RALYL: variants seen among roughly 807,000 people sequenced by gnomAD.
The protein encoded by RALYL is RALY RNA binding protein like.
Under a neutral mutation model 35.1 loss-of-function variants are expected in RALYL, and 29 were observed. The observed-to-expected ratio is 0.83, with a 90% CI of 0.61 to 1.13. The LOEUF (loss-of-function observed/expected upper bound fraction) is 1.13, where lower values mean the gene tolerates loss of function less well. RALYL is among the 50% of genes most tolerant of loss of function. RALYL has a pLI of 0.00. For synonymous variants in RALYL, 120 were observed against 127.6 expected (o/e 0.94, Z 0.40); for missense variants, 359 against 360.4 (o/e 1.00, Z 0.03).
chr8:84,221,981 G>A (rs1822335716), intron 1 of RALYL, among the ~76,000 whole-genome samples: 1 of 151,970 alleles, frequency 6.6e-6, no homozygotes, highest in South Asian at 2.1e-4. Context: ...CTATCTTTGT[G>A]TTTAGGCTTA....
chr8:84,840,398 G>T (rs1359510798), intron 4 of RALYL, among the ~76,000 whole-genome samples: 2 of 152,172 alleles, frequency 1.3e-5, no homozygotes, highest in Admixed American at 1.3e-4. Flanking sequence ...ATGAAATGAA[G>T]TGAGAAGAGA....
intron 6 of RALYL, among the ~76,000 whole-genome samples, chr8:84,862,771 T>G (rs183066195): frequency 1.3e-5 from 2 of 152,316 alleles, no homozygotes; most frequent in East Asian, 1.9e-4. Flanking sequence ...TTGCTTTTAA[T>G]GAAGAAATAA....
intron 2 of RALYL, among the ~76,000 whole-genome samples, chr8:84,560,255 T>G (rs2061393989): frequency 6.6e-6 from 1 of 151,878 alleles, no homozygotes; most frequent in Non-Finnish European, 1.5e-5. Flanking sequence ...TAATATACCT[T>G]AAATAAAATG....
intron 1 of RALYL, among the ~76,000 whole-genome samples, chr8:84,373,487 A>G (rs981250533): frequency 5.3e-5 from 8 of 151,998 alleles, no homozygotes; most frequent in Non-Finnish European, 1.2e-4. Flanking sequence ...TTATTTCCCT[A>G]TTGCTTGTTT....
At chr8:84,466,174 A>C (rs2051595185) in intron 1 of RALYL, among the ~76,000 whole-genome samples, 1 of 135,354 alleles carries the variant, frequency 7.4e-6, no homozygotes, top group Non-Finnish European at 1.6e-5. Flanking sequence ...AACTTCCAAC[A>C]GTATGTTGAA....
intron 1 of RALYL, among the ~76,000 whole-genome samples, chr8:84,210,438 A>C (rs771124403): frequency 3.1e-4 from 47 of 151,824 alleles, no homozygotes; most frequent in Non-Finnish European, 6.0e-4. Context: ...TACCAGCACG[A>C]GTTGCTTCTC....
Position 84,219,443 on chromosome 8 carries a change from G to C in RALYL, c.-24+35019G>C, listed in dbSNP as rs1012499680. Among the ~76,000 whole-genome samples, 3 of 151,962 alleles carry C rather than the reference G, an allele frequency of 2.0e-5. No individual in the cohort carries two copies. In the South Asian group the frequency reaches 6.2e-4, roughly 31 times the overall value. On this transcript the variant is annotated intron_variant, in intron 1 of 8. Coordinates refer to ENST00000521268, the MANE Select transcript of RALYL (RefSeq NM_173848.7). ...ATCTTTTCCATTTATAAGTTACCCA[G>C]TCTTGAGCAGTTCATTATAGCAGTG...
At chr8:84,600,485 C>A (rs1050703238) in intron 2 of RALYL, among the ~76,000 whole-genome samples, 1 of 152,082 alleles carries the variant, frequency 6.6e-6, no homozygotes, top group Non-Finnish European at 1.5e-5. Context: ...GCTTTTGCAG[C>A]CTGTGTAGAA....
chr8:84,808,110 A>G (rs905113618), intron 4 of RALYL, among the ~76,000 whole-genome samples: 7 of 152,246 alleles, frequency 4.6e-5, no homozygotes, highest in African/African-American at 1.7e-4. Flanking sequence ...TTCCAATGTT[A>G]TCTTCTAGAA....
intron 1 of RALYL, among the ~76,000 whole-genome samples, chr8:84,386,002 C>T (rs191974052): frequency 8.6e-5 from 13 of 151,974 alleles, no homozygotes; most frequent in African/African-American, 3.1e-4. Context: ...CACTCTGTCT[C>T]TCTCCTCTCT....
At chr8:84,545,704 T>C (rs1397379481) in intron 2 of RALYL, among the ~76,000 whole-genome samples, 1 of 152,186 alleles carries the variant, frequency 6.6e-6, no homozygotes, top group African/African-American at 2.4e-5. Context: ...TCTCACATTA[T>C]ATCTTTTTTT....
chr8:84,600,838 G>C (rs1564212785), intron 2 of RALYL, among the ~76,000 whole-genome samples: 1 of 152,130 alleles, frequency 6.6e-6, no homozygotes, highest in Non-Finnish European at 1.5e-5. Flanking sequence ...AACAGAACCT[G>C]TTGAAATGTC....
Position 84,913,040 on chromosome 8 carries a change from G to GTAGGTAGGTAGATAGGTAGATAGA in RALYL, c.859-7851_859-7850insGTAGGTAGATAGGTAGATAGATAG, listed in dbSNP as rs372305617. ...GATGGATGGATGGATGGATAGGTAG[G>GTAGGTAGGTAGATAGGTAGATAGA]TAGATAGATAGATAGATAGATAGAT... is the stretch of plus-strand genomic sequence containing the variant. On this transcript the variant is annotated intron_variant, in intron 8 of 8. Transcript: ENST00000521268. Among the ~76,000 whole-genome samples, 2 of 130,060 alleles carry GTAGGTAGGTAGATAGGTAGATAGA rather than the reference G, an allele frequency of 1.5e-5. 1 individual carries two copies. The highest frequency in any genetic ancestry group is 5.0e-4 in the South Asian group (2 of 4,010). 85.3% of individuals were successfully genotyped at this position (130,060 alleles called of 152,430 possible).
chr8:84,239,611 T>TG (rs1299547555), intron 1 of RALYL, among the ~76,000 whole-genome samples: 1 of 152,010 alleles, frequency 6.6e-6, no homozygotes. Flanking sequence ...CGTGGCTCGG[T>TG]GGGGCGTGGT....
At chr8:84,567,085 GTTGT>G (rs1417080501) in intron 2 of RALYL, among the ~76,000 whole-genome samples, 1 of 151,558 alleles carries the variant, frequency 6.6e-6, no homozygotes, top group African/African-American at 2.4e-5. Flanking sequence ...TTTGAATAGG[GTTGT>G]TTATTTTGTT....
chr8:84,756,874 C>T (rs1230307853), intron 2 of RALYL, among the ~76,000 whole-genome samples: 2 of 151,866 alleles, frequency 1.3e-5, no homozygotes, highest in Non-Finnish European at 2.9e-5. Context: ...AATAAAACCA[C>T]AATTACTCTT....
intron 1 of RALYL, among the ~76,000 whole-genome samples, chr8:84,375,477 G>A (rs555603133): frequency 1.3e-5 from 2 of 151,846 alleles, no homozygotes; most frequent in East Asian, 1.9e-4. Context: ...AATAAAGTAG[G>A]TATTTTATAC....
intron 2 of RALYL, among the ~76,000 whole-genome samples, chr8:84,564,827 A>C (rs908751586): frequency 6.6e-6 from 1 of 151,732 alleles, no homozygotes; most frequent in Non-Finnish European, 1.5e-5. Context: ...TTGTATTGTA[A>C]TGATTGTTCA....
chr8:84,639,014 G>A lies in RALYL; in HGVS notation c.256+109437G>A, dbSNP rs903751359. Among the ~76,000 whole-genome samples the A allele has an allele frequency of 2.8e-5, 4 of 143,690 alleles. No homozygotes were observed. The East Asian group carries it at 8.3e-4, about 30-fold the overall frequency. The allele number at this position is 143,690 out of a possible 152,430, so 94.3% of individuals were successfully genotyped here. On this transcript the variant is annotated intron_variant, in intron 2 of 8. Transcript: ENST00000521268. ...CACACACACACACAGATGGGATGGA[G>A]ACTCAATATTTAATGTATTATATTA...
Sources: allele counts gnomAD v4.1 joint callset (sites outside exome capture counted in the v4.1 genomes callset), GRCh38; gene constraint gnomAD v4.1.1; transcripts MANE v1.5; gene names NCBI Gene and HGNC (gene_info 2026-07-23, HGNC 2026-07-21).